NBEA: variants seen among roughly 807,000 people sequenced by gnomAD.
NBEA encodes the protein neurobeachin.
Under a neutral mutation model 343.4 loss-of-function variants are expected in NBEA, and 44 were observed. That is an observed-to-expected ratio of 0.13 (90% confidence interval 0.10 to 0.16). The LOEUF (loss-of-function observed/expected upper bound fraction) is 0.16, where lower values mean the gene tolerates loss of function less well. Among genes scored for constraint, NBEA ranks in the 10% least tolerant of loss-of-function variants. The pLI, the probability that NBEA is intolerant of heterozygous loss-of-function variation, is 1.00. For synonymous variants in NBEA, 1,175 were observed against 1,238.7 expected, an observed-to-expected ratio of 0.95 and a Z score of 1.08; for missense variants, 2,555 against 3,631.3, an observed-to-expected ratio of 0.70 and a Z score of 7.62.
intron 8 of NBEA, among the ~76,000 whole-genome samples, chr13:35,060,848 G>A (rs1467634655): frequency 6.6e-6 from 1 of 151,648 alleles, no homozygotes; most frequent in African/African-American, 2.4e-5. Context: ...TTCTGTGAGT[G>A]AAGGGGTAGA....
chr13:35,123,610 A>T (rs1262447774), intron 17 of NBEA, 36 bp downstream of exon 17: 3 of 1,270,548 alleles, frequency 2.4e-6, no homozygotes, highest in Non-Finnish European at 3.2e-6. Context: ...TTCTAGAAAT[A>T]ACTATTGAGA....
intron 41 of NBEA, among the ~76,000 whole-genome samples, chr13:35,504,656 A>G (rs1220111159): frequency 6.6e-6 from 1 of 151,938 alleles, no homozygotes; most frequent in Non-Finnish European, 1.5e-5. Flanking sequence ...CTTTTGATAC[A>G]CGGTCTCACT....
chr13:35,665,171 A>G lies in NBEA; in HGVS notation c.8449A>G (p.Ile2817Val), dbSNP rs770031391. ...TGTCTGTGCAGAACTTGGGCTTGTT[A>G]TCAGTGGTGCTAAAGGTCAGAAGTC... ...VSVCAELGLV[I>V]SGAKEGPCLV... Residue 2817 changes from isoleucine to valine, a missense_variant, in exon 56 of 59, where the codon ATC becomes GTC. By Grantham distance (29) the Ile-to-Val change is conservative (BLOSUM62 3). Around this residue, in one of 21 missense-constraint regions of NBEA, gnomAD observed 186 missense variants for 328.9 expected, o/e 0.57. Coordinates refer to ENST00000379939, the MANE Select transcript of NBEA (RefSeq NM_001385012.1). 2.5e-6 allele frequency: 4 copies of G among 1,588,970 alleles called. No homozygotes were observed. Among genetic ancestry groups the G allele is most frequent in the African/African-American group, 1.3e-5 (1 of 74,798 alleles).
chr13:35,102,011 G>T (rs2152645033), intron 11 of NBEA, among the ~76,000 whole-genome samples: 1 of 151,310 alleles, frequency 6.6e-6, no homozygotes, highest in Middle Eastern at 3.4e-3. Flanking sequence ...TTAAAATTTT[G>T]TTTTATCTTT....
At chr13:35,544,519 A>G (rs1414444065) in intron 41 of NBEA, among the ~76,000 whole-genome samples, 1 of 152,218 alleles carries the variant, frequency 6.6e-6, no homozygotes, top group African/African-American at 2.4e-5. Context: ...GTATTTTTCA[A>G]CATGATCATC....
At chr13:35,357,284 TG>T (rs1397908388) in intron 38 of NBEA, among the ~76,000 whole-genome samples, 1 of 152,090 alleles carries the variant, frequency 6.6e-6, no homozygotes, top group African/African-American at 2.4e-5. Flanking sequence ...GAGGTTTTTT[TG>T]TTTTTCTTTT....
intron 38 of NBEA, among the ~76,000 whole-genome samples, chr13:35,404,212 A>G (rs2043143844): frequency 6.6e-6 from 1 of 152,158 alleles, no homozygotes; most frequent in Non-Finnish European, 1.5e-5. Context: ...TCAGGGATCT[A>G]GAACTAGAAA....
chr13:35,636,915 T>C (rs1199354408), intron 49 of NBEA, among the ~76,000 whole-genome samples: 2 of 152,230 alleles, frequency 1.3e-5, no homozygotes, highest in African/African-American at 2.4e-5. Flanking sequence ...TTCCTGAGTA[T>C]CAACAAATAT....
At chr13:35,547,847 C>G (rs1038074539) in intron 41 of NBEA, among the ~76,000 whole-genome samples, 1 of 152,024 alleles carries the variant, frequency 6.6e-6, no homozygotes, top group African/African-American at 2.4e-5. Context: ...CAAGATAACG[C>G]CACTGCACTC....
chr13:35,100,739 G>A (rs1221471636), intron 11 of NBEA, among the ~76,000 whole-genome samples: 2 of 151,898 alleles, frequency 1.3e-5, no homozygotes. Context: ...ATATTTCATT[G>A]TGGTTTTAAT....
intron 34 of NBEA, among the ~76,000 whole-genome samples, chr13:35,263,796 TACAGTAATA>T (rs1430672474): frequency 6.6e-6 from 1 of 151,974 alleles, no homozygotes; most frequent in East Asian, 1.9e-4. Context: ...GAGGGAATTT[TACAGTAATA>T]AATGCCTACA....
intron 1 of NBEA, among the ~76,000 whole-genome samples, chr13:34,954,585 A>G (rs1223859886): frequency 6.6e-6 from 1 of 152,158 alleles, no homozygotes; most frequent in Non-Finnish European, 1.5e-5. Context: ...TGATTGGTGT[A>G]CCTACATGTA....
rs959143838 is a variant in NBEA at position 35,406,022 on chromosome 13, C to T, written c.6180-26247C>T. Reference sequence around the variant, plus strand: ...AAGGTTTGTATGCTATTCCTGCCCCCTCCATCTCCAGAAAAAAAAGGCTGA... The same window carrying T: ...AAGGTTTGTATGCTATTCCTGCCCCTTCCATCTCCAGAAAAAAAAGGCTGA... On this transcript the variant is annotated intron_variant, in intron 38 of 58. Transcript: ENST00000379939. 1.4e-4 allele frequency among the ~76,000 whole-genome samples: 22 copies of T among 151,982 alleles called. 1 individual carries two copies. The highest frequency in any genetic ancestry group is 1.4e-3 in the Admixed American group (21 of 15,232).
chr13:35,452,373 T>G, intron 40 of NBEA, 138 bp downstream of exon 40: 1 of 659,838 alleles, frequency 1.5e-6, no homozygotes, highest in Non-Finnish European at 2.6e-6. Context: ...AACTCTACTT[T>G]ATCTCATTTC....
chr13:35,099,278 A>AAGCTCCGCTG (rs1184544073), intron 11 of NBEA, among the ~76,000 whole-genome samples: 1 of 142,546 alleles, frequency 7.0e-6, no homozygotes, highest in African/African-American at 2.6e-5. Flanking sequence ...GGCTCACTGC[A>AAGCTCCGCTG]AGCTCCGCCT....
At chr13:35,092,999 A>T (rs943856175) in intron 10 of NBEA, among the ~76,000 whole-genome samples, 2 of 152,054 alleles carry the variant, frequency 1.3e-5, no homozygotes, top group Non-Finnish European at 2.9e-5. Context: ...ATACTCATCA[A>T]CTAAAAAGAA....
intron 1 of NBEA, among the ~76,000 whole-genome samples, chr13:34,991,179 C>G (rs982103382): frequency 2.0e-5 from 3 of 152,182 alleles, no homozygotes; most frequent in Non-Finnish European, 4.4e-5. Flanking sequence ...CCAACCTCTG[C>G]CCATTACCCA....
intron 38 of NBEA, among the ~76,000 whole-genome samples, chr13:35,364,293 A>G (rs1282367039): frequency 6.6e-6 from 1 of 151,884 alleles, no homozygotes; most frequent in East Asian, 1.9e-4. Flanking sequence ...CATGTAGAGT[A>G]TATGCTTTCT....
chr13:35,319,611 A>T (rs578038075), intron 36 of NBEA, among the ~76,000 whole-genome samples: 2 of 152,296 alleles, frequency 1.3e-5, no homozygotes, highest in East Asian at 3.9e-4. Context: ...TATTAGGTCC[A>T]CTTGGTCCAG....
Sources: allele counts gnomAD v4.1 joint callset (sites outside exome capture counted in the v4.1 genomes callset), GRCh38; gene constraint gnomAD v4.1.1; regional missense constraint gnomAD v4.1.1; transcripts MANE v1.5; gene names NCBI Gene and HGNC (gene_info 2026-07-23, HGNC 2026-07-21).